Variants in SCN8A observed in about 807,000 individuals in gnomAD.
The protein encoded by SCN8A is sodium voltage-gated channel alpha subunit 8.
In SCN8A, 30 loss-of-function variants were observed where a neutral mutation model predicts 184.1. The observed-to-expected ratio is 0.16, with a 90% CI of 0.12 to 0.22. The LOEUF (loss-of-function observed/expected upper bound fraction) is 0.22, where lower values mean the gene tolerates loss of function less well. Ranked by LOEUF, SCN8A falls within the 10% of genes least tolerant of loss-of-function variation. The pLI, the probability that SCN8A is intolerant of heterozygous loss-of-function variation, is 1.00. For missense variants in SCN8A, 1,057 were observed against 2,498.9 expected, an observed-to-expected ratio of 0.42 and a Z score of 12.30; for synonymous variants, 852 against 907.0, an observed-to-expected ratio of 0.94 and a Z score of 1.09.
intron 20 of SCN8A, among the ~76,000 whole-genome samples, chr12:51,778,990 C>T (rs376286627): frequency 1.3e-4 from 20 of 151,982 alleles, no homozygotes; most frequent in African/African-American, 3.6e-4. Context: ...CCAAGGCAGG[C>T]GAATCACCTG....
chr12:51,592,908 G>C (rs1939261119), intron 1 of SCN8A, among the ~76,000 whole-genome samples: 4 of 152,044 alleles, frequency 2.6e-5, no homozygotes, highest in Admixed American at 2.6e-4. Flanking sequence ...TTCTCCACGT[G>C]CATTAGAAGA....
At chr12:51,773,621 G>T (rs557876087) in intron 19 of SCN8A, among the ~76,000 whole-genome samples, 82 of 152,312 alleles carry the variant, frequency 5.4e-4, no homozygotes, top group African/African-American at 1.7e-3. Context: ...AAATTAAACA[G>T]TTACCATATG....
rs186365625 is a variant in SCN8A at position 51,684,619 on chromosome 12, G to A, written c.395+327G>A. ...ATTTCTTTCTGTGGCCAACTATTCA[G>A]CTTAATATATTAAAAGCCATTATTA... On this transcript the variant is annotated intron_variant, in intron 3 of 26. Coordinates refer to ENST00000627620, the MANE Select transcript of SCN8A (RefSeq NM_001330260.2). 5.4e-3 allele frequency among the ~76,000 whole-genome samples: 828 copies of A among 152,218 alleles called. 10 individuals are homozygous for A. The highest frequency in any genetic ancestry group is 0.019 in the African/African-American group (775 of 41,532).
intron 9 of SCN8A, among the ~76,000 whole-genome samples, chr12:51,704,524 G>T (rs1041096226): frequency 1.3e-5 from 2 of 151,548 alleles, no homozygotes; most frequent in African/African-American, 2.4e-5. Context: ...ACAAAAATTA[G>T]CTGGGCATGG....
At chr12:51,732,111 T>A (rs991504033) in intron 12 of SCN8A, among the ~76,000 whole-genome samples, 42 of 152,202 alleles carry the variant, frequency 2.8e-4, no homozygotes, top group African/African-American at 7.5e-4. Flanking sequence ...TGGTTGGCTG[T>A]GCTTGTAGGG....
At chr12:51,750,685 A>G (rs1277478380) in intron 13 of SCN8A, among the ~76,000 whole-genome samples, 1 of 152,186 alleles carries the variant, frequency 6.6e-6, no homozygotes, top group Non-Finnish European at 1.5e-5. Flanking sequence ...TCTATCTGCC[A>G]GGGTATTCTG....
intron 1 of SCN8A, among the ~76,000 whole-genome samples, chr12:51,597,549 G>A (rs188939026): frequency 4.1e-4 from 62 of 152,208 alleles, no homozygotes; most frequent in Middle Eastern, 3.4e-3. Context: ...TTCTACCAGC[G>A]TGAACTTGGG....
intron 1 of SCN8A, among the ~76,000 whole-genome samples, chr12:51,625,661 A>G (rs973830247): frequency 1.3e-5 from 2 of 152,228 alleles, no homozygotes; most frequent in African/African-American, 4.8e-5. Flanking sequence ...TAATTAAACA[A>G]TCGCTAAGAT....
At chr12:51,600,562 A>G (rs78276693) in intron 1 of SCN8A, among the ~76,000 whole-genome samples, 1 of 152,214 alleles carries the variant, frequency 6.6e-6, no homozygotes, top group Non-Finnish European at 1.5e-5. Flanking sequence ...CTTGACTTGC[A>G]TGATCTTCTT....
rs761185229 is a variant in SCN8A, at chr12:51,780,660, C to T, written c.3831C>T (p.Val1277=). Residue 1277 remains valine, a synonymous_variant, in exon 21 of 27, where the codon GTC becomes GTT. Transcript: ENST00000627620. ...CTGTTTCTGTGTAGGTCTCTTTAGTCAGCCTTATAGCTAATGCCCTGGGCT... is the reference window on the plus strand; with the variant it reads ...CTGTTTCTGTGTAGGTCTCTTTAGTTAGCCTTATAGCTAATGCCCTGGGCT... ...LDFLIVAVSL[V]SLIANALGYS... The T allele has an allele frequency of 2.2e-6, 3 of 1,394,450 alleles. No homozygotes were observed. The highest frequency in any genetic ancestry group is 2.7e-5 in the South Asian group (2 of 73,120). 86.4% of individuals were successfully genotyped at this position (1,394,450 alleles called of 1,614,324 possible).
intron 12 of SCN8A, among the ~76,000 whole-genome samples, chr12:51,723,878 G>A (rs1315091598): frequency 6.6e-6 from 1 of 151,880 alleles, no homozygotes; most frequent in Non-Finnish European, 1.5e-5. Flanking sequence ...GGGTGACTAA[G>A]TGAAGATTAA....
At chr12:51,659,144 C>T (rs1038644635) in intron 1 of SCN8A, among the ~76,000 whole-genome samples, 1 of 152,166 alleles carries the variant, frequency 6.6e-6, no homozygotes, top group African/African-American at 2.4e-5. Flanking sequence ...GAATACTATG[C>T]AGAATGAACT....
intron 25 of SCN8A, 115 bp from the exon 26 acceptor site, chr12:51,794,256 C>A (rs1938347652): frequency 1.1e-6 from 1 of 940,086 alleles, no homozygotes; most frequent in South Asian, 1.6e-5. Context: ...CAGAGCTGAC[C>A]AGTATTACAG....
intron 12 of SCN8A, among the ~76,000 whole-genome samples, chr12:51,724,029 C>T (rs1942117194): frequency 6.6e-6 from 1 of 152,208 alleles, no homozygotes; most frequent in Admixed American, 6.5e-5. Flanking sequence ...AATTTGTTCT[C>T]TGCCTAGACA....
chr12:51,617,293 C>A (rs367982827), intron 1 of SCN8A, among the ~76,000 whole-genome samples: 1 of 151,868 alleles, frequency 6.6e-6, no homozygotes. Context: ...TTTTTTCCTT[C>A]GTTTCTAATT....
intron 12 of SCN8A, among the ~76,000 whole-genome samples, chr12:51,736,508 C>A (rs982319695): frequency 3.3e-5 from 5 of 152,230 alleles, no homozygotes; most frequent in Non-Finnish European, 5.9e-5. Flanking sequence ...GCTTTAGCTT[C>A]ATTCCAGGTA....
intron 1 of SCN8A, among the ~76,000 whole-genome samples, chr12:51,650,929 G>A (rs1483052916): frequency 6.6e-6 from 1 of 152,212 alleles, no homozygotes; most frequent in Non-Finnish European, 1.5e-5. Context: ...CCAGTCATTA[G>A]CGTTGTTTCT....
At chr12:51,805,254 C>T (rs1030429947) in intron 26 of SCN8A, among the ~76,000 whole-genome samples, 1 of 152,050 alleles carries the variant, frequency 6.6e-6, no homozygotes, top group Non-Finnish European at 1.5e-5. Flanking sequence ...ATCTCAAAAA[C>T]AAGGTAGAGA....
Position 51,804,778 on chromosome 12 carries a change from T to G in SCN8A, c.4796-1504T>G, listed in dbSNP as rs2138939424. ...GCATGAGCCATTGCGCCCAGCCTGA[T>G]ACTGGTTTCTGATTCACGACTTGCA... On this transcript the variant is annotated intron_variant, in intron 26 of 26. Transcript: ENST00000627620. Among the ~76,000 whole-genome samples the G allele has an allele frequency of 2.0e-5, 3 of 152,332 alleles. No individual in the cohort carries two copies. In the South Asian group the frequency reaches 6.2e-4, roughly 32 times the overall value.
Sources: gnomAD v4.1 joint callset for allele counts (sites outside exome capture counted in the v4.1 genomes callset) on GRCh38, gnomAD v4.1.1 for gene constraint, MANE v1.5 for transcripts, NCBI Gene and HGNC (gene_info 2026-07-23, HGNC 2026-07-21) for gene names.